The following PCDHA7 variants were observed in gnomAD, a reference collection of about 807,000 sequenced individuals.
PCDHA7 encodes protocadherin alpha-7.
A neutral mutation model predicts 57.2 loss-of-function variants in PCDHA7; 37 were observed. The observed-to-expected ratio is 0.65, with a 90% CI of 0.50 to 0.85. The LOEUF (loss-of-function observed/expected upper bound fraction) is 0.85, where lower values mean the gene tolerates loss of function less well. Ranked by LOEUF, PCDHA7 falls within the 40% of genes least tolerant of loss-of-function variation. The probability of loss-of-function intolerance (pLI) is 0.00; values close to 1 mark genes in which losing one functional copy is unlikely to be tolerated. For synonymous variants in PCDHA7, 553 were observed against 558.8 expected (o/e 0.99, Z 0.15); for missense variants, 1,188 against 1,241.8 (o/e 0.96, Z 0.65).
At chr5:140,838,277 C>T (rs1372363386) in intron 1 of PCDHA7, among the ~76,000 whole-genome samples, 8 of 74,794 alleles carry the variant, frequency 1.1e-4, no homozygotes, top group East Asian at 6.5e-4. Flanking sequence ...CCAAGCCATG[C>T]TAATTTTTTT....
intron 1 of PCDHA7, chr5:140,843,183 C>T: frequency 6.3e-7 from 1 of 1,596,024 alleles, no homozygotes; most frequent in Non-Finnish European, 8.6e-7. Context: ...CCTCGCATCC[C>T]GTTCCGCGTG....
intron 1 of PCDHA7, among the ~76,000 whole-genome samples, chr5:140,917,329 G>GGC (rs1563018868): frequency 6.9e-6 from 1 of 143,930 alleles, no homozygotes; most frequent in Non-Finnish European, 1.5e-5. Context: ...TGTGGCGGGG[G>GGC]AGGGGGGGGA....
At chr5:140,864,639 A>C (rs2048553058) in intron 1 of PCDHA7, 1 of 152,238 alleles carries the variant, frequency 6.6e-6, no homozygotes, top group South Asian at 2.1e-4. Flanking sequence ...ACAAAACAAA[A>C]CAATGTCAGC....
chr5:140,930,766 T>C (rs1476506441), intron 1 of PCDHA7, among the ~76,000 whole-genome samples: 1 of 152,240 alleles, frequency 6.6e-6, no homozygotes, highest in Admixed American at 6.5e-5. Context: ...AAATTTTCTG[T>C]ACTTAATATT....
chr5:140,882,226 G>C (rs778262653), intron 1 of PCDHA7: 257 of 1,564,032 alleles, frequency 1.6e-4, no homozygotes, highest in Non-Finnish European at 3.8e-5. Flanking sequence ...GAGGTAAGGC[G>C]TTGTATATAT....
At chr5:140,883,913 G>T (rs782585121) in intron 1 of PCDHA7, 1 of 1,613,478 alleles carries the variant, frequency 6.2e-7, no homozygotes, top group South Asian at 1.1e-5. Context: ...GGGCAGCAAC[G>T]TGACGCTGCA....
intron 3 of PCDHA7, among the ~76,000 whole-genome samples, chr5:140,985,935 T>C (rs1563529145): frequency 6.6e-6 from 1 of 151,974 alleles, no homozygotes; most frequent in African/African-American, 2.4e-5. Context: ...GAGCCGGGGT[T>C]TCACTGTGTT....
Position 140,834,324 on chromosome 5 carries a change from A to G in PCDHA7, c.-60A>G. Reference sequence around the variant, plus strand: ...TCGAGATTGAAATGAAGGGATAAAAACATTCCTATAAATTCGAAGGCAAGT... The same window carrying G: ...TCGAGATTGAAATGAAGGGATAAAAGCATTCCTATAAATTCGAAGGCAAGT... On this transcript the variant is annotated 5_prime_UTR_variant, in exon 1 of 4. Transcript: ENST00000525929. 1 of 1,445,086 alleles carries G rather than the reference A, an allele frequency of 6.9e-7. No individual in the cohort carries two copies. Among genetic ancestry groups the G allele is most frequent in the Non-Finnish European group, 9.4e-7 (1 of 1,062,058 alleles). The allele number at this position is 1,445,086 out of a possible 1,614,324, so 89.5% of individuals were successfully genotyped here. A position where few individuals can be genotyped will look rare whatever the true frequency, so the allele number is the denominator to read the frequency against.
chr5:140,961,510 T>C (rs1201672141), intron 1 of PCDHA7, among the ~76,000 whole-genome samples: 1 of 152,246 alleles, frequency 6.6e-6, no homozygotes, highest in Non-Finnish European at 1.5e-5. Context: ...CTTTGTTTAA[T>C]GTCTCCACAA....
intron 1 of PCDHA7, chr5:140,966,441 C>A (rs2096002534): frequency 4.7e-6 from 2 of 424,804 alleles, no homozygotes; most frequent in South Asian, 1.8e-4. Context: ...CTACCGCTCC[C>A]TTTCCCCCTC....
At chr5:140,841,759 A>T in intron 1 of PCDHA7, 1 of 1,613,894 alleles carries the variant, frequency 6.2e-7, no homozygotes, top group South Asian at 1.1e-5. Flanking sequence ...CAGAATCCAG[A>T]ATGCCAGACT....
intron 1 of PCDHA7, among the ~76,000 whole-genome samples, chr5:140,932,700 A>G (rs1584752908): frequency 6.6e-6 from 1 of 151,992 alleles, no homozygotes; most frequent in East Asian, 1.9e-4. Flanking sequence ...AAAAACTCAT[A>G]TAGACAACAC....
At chr5:140,889,331 T>A (rs2153427061) in intron 1 of PCDHA7, among the ~76,000 whole-genome samples, 1 of 152,216 alleles carries the variant, frequency 6.6e-6, no homozygotes, top group Middle Eastern at 3.4e-3. Flanking sequence ...ATCAGGATTT[T>A]GATTGGTGGG....
At chr5:140,949,405 AC>A (rs1554218939) in intron 1 of PCDHA7, among the ~76,000 whole-genome samples, 1 of 151,820 alleles carries the variant, frequency 6.6e-6, no homozygotes, top group African/African-American at 2.4e-5. Flanking sequence ...GTTAAAAATC[AC>A]CTATCATCAT....
intron 1 of PCDHA7, among the ~76,000 whole-genome samples, chr5:140,871,899 A>G (rs1160830243): frequency 2.6e-5 from 4 of 152,208 alleles, no homozygotes; most frequent in Admixed American, 2.0e-4. Context: ...CTTTTAGCAG[A>G]GTTTTGCCTT....
chr5:140,974,744 T>A (rs966437450), intron 1 of PCDHA7, among the ~76,000 whole-genome samples: 11 of 152,144 alleles, frequency 7.2e-5, no homozygotes, highest in African/African-American at 2.4e-4. Context: ...CACCTTGGCC[T>A]CCCAAAGTGC....
intron 1 of PCDHA7, chr5:140,851,594 A>T (rs1554145464): frequency 1.1e-6 from 1 of 917,164 alleles, no homozygotes; most frequent in African/African-American, 1.8e-5. Context: ...TTTGAAATTC[A>T]GTTTACAGAA....
rs2150277487 is a variant in PCDHA7, at chr5:140,837,615, C to CCCTT, written c.2355+894_2355+897dup. On this transcript the variant is annotated intron_variant, in intron 1 of 3. Transcript: ENST00000525929. ...CCAATATATATATTTTATAATTTGC[C>CCCTT]CCTTCCTTCCTTCCTTCCTTTCTTT... Among the ~76,000 whole-genome samples the CCCTT allele has an allele frequency of 5.2e-3, 763 of 145,918 alleles. 3 individuals are homozygous for CCCTT. Among genetic ancestry groups the CCCTT allele is most frequent in the South Asian group, 0.011 (50 of 4,612 alleles).
chr5:140,977,340 G>T (rs2096757114), intron 1 of PCDHA7, among the ~76,000 whole-genome samples: 1 of 152,198 alleles, frequency 6.6e-6, no homozygotes, highest in African/African-American at 2.4e-5. Context: ...GAGAGACGGT[G>T]ATGATGACTG....
Sources: allele counts gnomAD v4.1 joint callset (sites outside exome capture counted in the v4.1 genomes callset), GRCh38; gene constraint gnomAD v4.1.1; transcripts MANE v1.5; gene names NCBI Gene and HGNC (gene_info 2026-07-23, HGNC 2026-07-21).